Variants in TNFRSF19 observed in about 807,000 individuals in gnomAD.
TNFRSF19 encodes TNF receptor superfamily member 19.
A neutral mutation model predicts 46.4 loss-of-function variants in TNFRSF19; 27 were observed. The observed-to-expected ratio is 0.58, with a 90% CI of 0.43 to 0.80. The LOEUF is 0.80. TNFRSF19 is among the 30% of genes least tolerant of loss of function. The probability of loss-of-function intolerance (pLI) is 0.00; values close to 1 mark genes in which losing one functional copy is unlikely to be tolerated. For missense variants in TNFRSF19, 511 were observed against 530.8 expected (o/e 0.96, Z 0.37); for synonymous variants, 204 against 205.0 (o/e 1.00, Z 0.04).
chr13:23,573,552 A>G (rs73156732), intron 1 of TNFRSF19, among the ~76,000 whole-genome samples: 3,625 of 152,294 alleles, frequency 0.024, 57 homozygotes, highest in South Asian at 0.041. Context: ...GAAGGAATTG[A>G]TATTTTCTTA....
chr13:23,650,523 T>C (rs2138363567), intron 5 of TNFRSF19, among the ~76,000 whole-genome samples: 1 of 152,334 alleles, frequency 6.6e-6, no homozygotes. Flanking sequence ...TCCATTTATA[T>C]GACATATGCA....
intron 4 of TNFRSF19, among the ~76,000 whole-genome samples, chr13:23,623,489 G>A (rs1881803995): frequency 6.6e-6 from 1 of 152,138 alleles, no homozygotes; most frequent in East Asian, 1.9e-4. Flanking sequence ...TGGATTATAT[G>A]GTAGTTCTGT....
At chr13:23,633,532 C>A (rs527544890) in intron 5 of TNFRSF19, among the ~76,000 whole-genome samples, 1 of 82,766 alleles carries the variant, frequency 1.2e-5, no homozygotes, top group Admixed American at 1.2e-4. Context: ...ACAGCAAACT[C>A]CTCATTTTCT....
chr13:23,587,948 G>A (rs1312653540), intron 1 of TNFRSF19, among the ~76,000 whole-genome samples: 2 of 152,134 alleles, frequency 1.3e-5, no homozygotes, highest in Non-Finnish European at 2.9e-5. Flanking sequence ...CTTGACTGCG[G>A]CTGCCTAGAT....
intron 3 of TNFRSF19, among the ~76,000 whole-genome samples, chr13:23,602,143 A>G (rs544096800): frequency 6.6e-6 from 1 of 152,308 alleles, no homozygotes; most frequent in East Asian, 1.9e-4. Context: ...AAATATGAAG[A>G]CACACATAGA....
chr13:23,646,262 T>C lies in TNFRSF19; in HGVS notation c.446-12788T>C, dbSNP rs530597590. On this transcript the variant is annotated intron_variant, in intron 5 of 9. Coordinates refer to ENST00000248484, the MANE Select transcript of TNFRSF19 (RefSeq NM_148957.4). ...CCCCAATCACTTCCTATTAGCTTTC[T>C]TTTTAATTGTGGGAAAACATATATA... is the stretch of plus-strand genomic sequence containing the variant. 5.3e-5 allele frequency among the ~76,000 whole-genome samples: 8 copies of C among 152,340 alleles called. No homozygotes were observed. In the South Asian group the frequency reaches 1.7e-3, roughly 32 times the overall value.
rs139043929 is a variant in TNFRSF19, at chr13:23,581,950, C to T, written c.-34-8200C>T. Among the ~76,000 whole-genome samples the T allele has an allele frequency of 4.6e-5, 7 of 152,290 alleles. No homozygotes were observed. The East Asian group carries it at 1.2e-3, about 25-fold the overall frequency. ...GGCCAACATGTTCTATTTGTGTTGA[C>T]TACAGATTGAATAGGAATGCCCACT... On this transcript the variant is annotated intron_variant, in intron 1 of 9. Transcript: ENST00000248484.
At chr13:23,623,808 C>T (rs1000969905) in intron 4 of TNFRSF19, among the ~76,000 whole-genome samples, 1 of 152,092 alleles carries the variant, frequency 6.6e-6, no homozygotes, top group Non-Finnish European at 1.5e-5. Flanking sequence ...GTCCCTTGCC[C>T]ATTTTTAAAT....
chr13:23,653,255 G>A (rs948287776), intron 5 of TNFRSF19, among the ~76,000 whole-genome samples: 1 of 152,092 alleles, frequency 6.6e-6, no homozygotes, highest in Admixed American at 6.5e-5. Context: ...GCCCACTTTC[G>A]TCCCCACTGA....
At chr13:23,666,788 G>A (rs1340009672) in intron 7 of TNFRSF19, among the ~76,000 whole-genome samples, 1 of 152,162 alleles carries the variant, frequency 6.6e-6, no homozygotes, top group Non-Finnish European at 1.5e-5. Flanking sequence ...AGATGGTCTG[G>A]ACGGAGGCCT....
intron 3 of TNFRSF19, among the ~76,000 whole-genome samples, chr13:23,614,204 C>T (rs1881096005): frequency 6.6e-6 from 1 of 152,112 alleles, no homozygotes; most frequent in African/African-American, 2.4e-5. Context: ...CTTTGTTGTG[C>T]ACACTCCCGA....
intron 2 of TNFRSF19, 92 bp from the exon 3 acceptor site, chr13:23,593,253 G>T: frequency 1.5e-6 from 1 of 670,130 alleles, no homozygotes; most frequent in South Asian, 2.1e-5. Context: ...TTCAGTGATT[G>T]TGTGACTAAT....
chr13:23,588,626 T>G (rs1207341773), intron 1 of TNFRSF19, among the ~76,000 whole-genome samples: 2 of 152,222 alleles, frequency 1.3e-5, no homozygotes, highest in Non-Finnish European at 2.9e-5. Context: ...TTTTTGCTTT[T>G]AGAACTTAAT....
chr13:23,583,744 GACT>G (rs1878627626), intron 1 of TNFRSF19, among the ~76,000 whole-genome samples: 1 of 152,216 alleles, frequency 6.6e-6, no homozygotes, highest in African/African-American at 2.4e-5. Flanking sequence ...AATGTATCCA[GACT>G]TCCTTCTAAA....
intron 1 of TNFRSF19, among the ~76,000 whole-genome samples, chr13:23,586,272 A>G (rs199841414): frequency 7.9e-5 from 12 of 151,598 alleles, no homozygotes; most frequent in South Asian, 2.1e-4. Context: ...AAAAAAAAAA[A>G]AAAAGAAAAG....
chr13:23,574,120 G>A (rs1877804207), intron 1 of TNFRSF19, among the ~76,000 whole-genome samples: 1 of 149,124 alleles, frequency 6.7e-6, no homozygotes, highest in Non-Finnish European at 1.5e-5. Flanking sequence ...TTTTAATTTA[G>A]TTACTAATAA....
chr13:23,651,317 A>AT (rs1328858130), intron 5 of TNFRSF19, among the ~76,000 whole-genome samples: 3 of 152,178 alleles, frequency 2.0e-5, no homozygotes, highest in Non-Finnish European at 2.9e-5. Flanking sequence ...TAAATGTCTC[A>AT]TTTTTGTGCT....
At chr13:23,663,655 G>A (rs560365566) in intron 7 of TNFRSF19, among the ~76,000 whole-genome samples, 2 of 152,050 alleles carry the variant, frequency 1.3e-5, no homozygotes, top group South Asian at 2.1e-4. Context: ...TTTTTTGGTT[G>A]GTAGGCTATT....
At chr13:23,637,753 A>C (rs1163067825) in intron 5 of TNFRSF19, among the ~76,000 whole-genome samples, 5 of 152,264 alleles carry the variant, frequency 3.3e-5, no homozygotes, top group Non-Finnish European at 7.3e-5. Flanking sequence ...TAGTGCAGTG[A>C]GGTAAATAAG....
Sources: allele counts gnomAD v4.1 joint callset (sites outside exome capture counted in the v4.1 genomes callset), GRCh38; gene constraint gnomAD v4.1.1; transcripts MANE v1.5; gene names NCBI Gene and HGNC (gene_info 2026-07-23, HGNC 2026-07-21).